The following ZNF48 variants were observed in gnomAD, a reference collection of about 807,000 sequenced individuals.
ZNF48 encodes zinc finger protein 48.
In ZNF48, 20 loss-of-function variants were observed where a neutral mutation model predicts 40.0. The observed-to-expected ratio is 0.50, with a 90% confidence interval of 0.35 to 0.73. ZNF48 has a LOEUF of 0.73. Ranked by LOEUF, ZNF48 falls within the 30% of genes least tolerant of loss-of-function variation. ZNF48 has a pLI of 0.01. For synonymous variants in ZNF48, 298 were observed against 329.7 expected (o/e 0.90, Z 1.04); for missense variants, 726 against 851.9 (o/e 0.85, Z 1.84).
In ZNF48 at chr16:30,399,050, G is replaced by T. The variant is rs1473623517; in HGVS notation, c.1800G>T (p.Gly600=). Residue 600 remains glycine, a synonymous_variant, in exon 3 of 3, where the codon GGG becomes GGT. Coordinates refer to ENST00000613509, the MANE Select transcript of ZNF48 (RefSeq NM_001214909.2). ...GGCACCTGGTCCTGACGCCCTTTGG[G>T]ATAGGGGATGGTAGGGCAAGGCCCC... is the stretch of plus-strand genomic sequence containing the variant. The part of the protein sequence containing the change: ...QRGHLVLTPF[G]IGDGRARPLK... 6.2e-7 allele frequency: 1 copy of T among 1,611,980 alleles called. No individual in the cohort carries two copies. Among genetic ancestry groups the T allele is most frequent in the South Asian group, 1.1e-5 (1 of 90,816 alleles).
In ZNF48 at chr16:30,398,248, G is replaced by T; in HGVS notation, c.998G>T (p.Cys333Phe). 6.2e-7 allele frequency: 1 copy of T among 1,613,468 alleles called. No homozygotes were observed. The highest frequency in any genetic ancestry group is 8.5e-7 in the Non-Finnish European group (1 of 1,180,022). Residue 333 changes from cysteine to phenylalanine, a missense_variant, in exon 3 of 3, where the codon TGC (cysteine) becomes TTC (phenylalanine). Physicochemically the swap from Cys to Phe is radical, Grantham distance 205. Transcript: ENST00000613509. The surrounding 1 kb of genome is among the most constrained non-coding windows in gnomAD (Gnocchi z 6.6). The part of the protein sequence containing the change: ...RVHTGEKPYL[C>F]PECGKGFADS... ...CACACGGGTGAGAAGCCCTACCTCT[G>T]CCCAGAGTGCGGCAAAGGTTTCGCG...
intron 1 of ZNF48, chr16:30,383,157 G>A: frequency 3.7e-6 from 1 of 267,678 alleles, no homozygotes; most frequent in Non-Finnish European, 7.2e-6. Context: ...ACTCCAGCCT[G>A]AGCAACACAG....
chr16:30,387,338 T>A (rs1216165187), intron 1 of ZNF48, among the ~76,000 whole-genome samples: 1 of 147,318 alleles, frequency 6.8e-6, no homozygotes, highest in African/African-American at 2.5e-5. Context: ...GCGGTTCACC[T>A]GATGTCGGGA....
Position 30,399,209 on chromosome 16 carries a change from GAAGA to G in ZNF48, c.*106_*109del, listed in dbSNP as rs2050028212. On this transcript the variant is annotated 3_prime_UTR_variant, in exon 3 of 3. Transcript: ENST00000613509. ...GAGGTGGTGGGAGGGAGAAGGAAGGGAAGAAAGGGGAGGAAGAATAGATAGAAAT... is the reference window on the plus strand; with the variant it reads ...GAGGTGGTGGGAGGGAGAAGGAAGGGAAGGGGAGGAAGAATAGATAGAAAT... The G allele has an allele frequency of 9.1e-7, 1 of 1,100,774 alleles. No individual in the cohort carries two copies. The highest frequency in any genetic ancestry group is 1.3e-6 in the Non-Finnish European group (1 of 785,782). 68.2% of individuals were successfully genotyped at this position (1,100,774 alleles called of 1,614,324 possible). A position where few individuals can be genotyped will look rare whatever the true frequency, so the allele number is the denominator to read the frequency against.
At position 30,381,888 on chromosome 16, in the gene ZNF48, G is replaced by A; in HGVS notation, c.-16+3478G>A. 1 of 1,614,034 alleles carries A rather than the reference G, an allele frequency of 6.2e-7. No individual in the cohort carries two copies. Among genetic ancestry groups the A allele is most frequent in the Non-Finnish European group, 8.5e-7 (1 of 1,179,986 alleles). On this transcript the variant is annotated intron_variant, in intron 1 of 2. Transcript: ENST00000528032. This position sits in a 1 kb window ranked among gnomAD's most constrained non-coding sequence, Gnocchi z 4.3. Reference sequence around the variant, plus strand: ...CCAGGGTCTGTGTCAAGCGAGCTGTGGGATGGGGGAGAGGTCAGGGATCCG... The same window carrying A: ...CCAGGGTCTGTGTCAAGCGAGCTGTAGGATGGGGGAGAGGTCAGGGATCCG...
intron 1 of ZNF48, chr16:30,380,950 G>T: frequency 1.5e-6 from 1 of 669,818 alleles, no homozygotes; most frequent in Non-Finnish European, 2.7e-6. Context: ...AGCCTATTTT[G>T]AGCCTTCAGA....
chr16:30,380,139 A>G (rs1323576888), intron 1 of ZNF48: 7 of 879,152 alleles, frequency 8.0e-6, no homozygotes, highest in Non-Finnish European at 1.2e-5. Flanking sequence ...AGAGACAGAG[A>G]GAAAGACATG....
chr16:30,393,454 G>A (rs188711718), upstream of ZNF48, among the ~76,000 whole-genome samples: 5 of 141,510 alleles, frequency 3.5e-5, no homozygotes, highest in East Asian at 6.4e-4. Context: ...GCGTGATCTC[G>A]GCTCTTTCCA....
chr16:30,378,353 C>G, exon 1 of ZNF48: 1 of 1,329,604 alleles, frequency 7.5e-7, no homozygotes, highest in Non-Finnish European at 1.0e-6. Context: ...TCCCGGGGGG[C>G]GCTGGGCAGT....
At position 30,382,254 on chromosome 16, in the gene ZNF48, C is replaced by G. The variant is rs201174994; in HGVS notation, c.-16+3844C>G. 3 of 1,613,108 alleles carry G rather than the reference C, an allele frequency of 1.9e-6. No individual in the cohort carries two copies. Among genetic ancestry groups the G allele is most frequent in the African/African-American group, 1.3e-5 (1 of 75,016 alleles). On this transcript the variant is annotated intron_variant, in intron 1 of 2. Coordinates refer to the ZNF48 transcript ENST00000528032. The surrounding 1 kb of genome is among the most constrained non-coding windows in gnomAD (Gnocchi z 4.8). ...TCCTAAGGACATCCCCTCCGCAGTT[C>G]CCTCTCCAAAACCCCCAGACCTGCC...
At chr16:30,395,355 ACAGGCCCGCAG>A (rs1391560566), upstream of ZNF48, 1 of 451,388 alleles carries the variant, frequency 2.2e-6, no homozygotes, top group South Asian at 1.6e-5. The surrounding 1 kb of genome is among the most constrained non-coding windows in gnomAD (Gnocchi z 5.9). Context: ...GGCGACCCCC[ACAGGCCCGCAG>A]CTCCTCCAAG....
chr16:30,378,982 C>G (rs763173561), intron 1 of ZNF48: 2 of 1,595,160 alleles, frequency 1.3e-6, no homozygotes, highest in Middle Eastern at 1.7e-4. Flanking sequence ...GAGGCGGGAC[C>G]TTGGAGGCTC....
chr16:30,388,650 AG>A (rs1266684181), intron 1 of ZNF48, among the ~76,000 whole-genome samples: 4 of 151,976 alleles, frequency 2.6e-5, no homozygotes, highest in East Asian at 3.9e-4. Context: ...GCACTTTGGG[AG>A]ATCAACGTGG....
rs753472409 is a variant in ZNF48 at position 30,397,934 on chromosome 16, C to G, written c.684C>G (p.Gly228=). 6.2e-7 allele frequency: 1 copy of G among 1,613,094 alleles called. No homozygotes were observed. The highest frequency in any genetic ancestry group is 8.5e-7 in the Non-Finnish European group (1 of 1,179,198). ...KPYKCGICGK[G]FGDSSARIKH... Reference sequence around the variant, plus strand: ...ACAAGTGTGGCATATGTGGCAAGGGCTTTGGCGACAGTTCCGCCCGCATCA... The same window carrying G: ...ACAAGTGTGGCATATGTGGCAAGGGGTTTGGCGACAGTTCCGCCCGCATCA... Residue 228 remains glycine, a synonymous_variant, in exon 3 of 3, where the codon GGC becomes GGG. Transcript: ENST00000613509. The surrounding 1 kb of genome is among the most constrained non-coding windows in gnomAD (Gnocchi z 4.1).
intron 1 of ZNF48, among the ~76,000 whole-genome samples, chr16:30,385,203 TAATA>T (rs2049891596): frequency 6.9e-6 from 1 of 145,344 alleles, no homozygotes; most frequent in Admixed American, 6.9e-5. Flanking sequence ...ATAATAATAA[TAATA>T]ATAATAATAA....
intron 1 of ZNF48, among the ~76,000 whole-genome samples, chr16:30,387,185 C>T (rs1359510729): frequency 2.7e-5 from 4 of 147,558 alleles, no homozygotes; most frequent in East Asian, 2.0e-4. Flanking sequence ...CCTTGTGATC[C>T]GCCCGCCTTG....
At chr16:30,379,888 T>G in intron 1 of ZNF48, 33 of 1,058,186 alleles carry the variant, frequency 3.1e-5, no homozygotes, top group Non-Finnish European at 4.2e-5. Context: ...ATTACAGACG[T>G]GAGCCACCGT....
chr16:30,395,359 G>A, upstream of ZNF48: 1 of 451,800 alleles, frequency 2.2e-6, no homozygotes, highest in Non-Finnish European at 4.4e-6. The surrounding 1 kb of genome is among the most constrained non-coding windows in gnomAD (Gnocchi z 5.9). Flanking sequence ...ACCCCCACAG[G>A]CCCGCAGCTC....
chr16:30,388,799 C>A (rs1597014302), intron 1 of ZNF48, among the ~76,000 whole-genome samples: 6 of 152,176 alleles, frequency 3.9e-5, no homozygotes, highest in Admixed American at 1.3e-4. Context: ...GAGGCTGAGG[C>A]AGGAGAATTG....
Sources: gnomAD v4.1 joint callset for allele counts (sites outside exome capture counted in the v4.1 genomes callset) on GRCh38, gnomAD v4.1.1 for gene constraint, Gnocchi (gnomAD v3.1) non-coding constraint, MANE v1.5 for transcripts, NCBI Gene and HGNC (gene_info 2026-07-23, HGNC 2026-07-21) for gene names.